POFUT3: variants seen among roughly 807,000 people sequenced by gnomAD.
POFUT3 encodes GDP-fucose protein O-fucosyltransferase 3.
the POFUT3 span, chr8:33,455,975 A>G: frequency 7.9e-6 from 3 of 381,876 alleles, no homozygotes; most frequent in Middle Eastern, 1.2e-3. Context: ...ATTGGCTTTA[A>G]AAAGTCATGG....
chr8:33,444,261 G>T, the POFUT3 span, among the ~76,000 whole-genome samples: 1 of 152,074 alleles, frequency 6.6e-6, no homozygotes, highest in African/African-American at 2.4e-5. Context: ...GATCTGACCG[G>T]TGTAAAGGAG....
chr8:33,366,904 G>A, the POFUT3 span, among the ~76,000 whole-genome samples: 6 of 152,070 alleles, frequency 3.9e-5, no homozygotes, highest in African/African-American at 1.4e-4. Flanking sequence ...ACTATGATGT[G>A]TAGCACAGGT....
At chr8:33,347,525 T>C in the POFUT3 span, among the ~76,000 whole-genome samples, 1 of 152,248 alleles carries the variant, frequency 6.6e-6, no homozygotes, top group Non-Finnish European at 1.5e-5. Flanking sequence ...TTCAGACATA[T>C]ATTCAAGTAC....
the POFUT3 span, among the ~76,000 whole-genome samples, chr8:33,402,089 T>C: frequency 6.6e-6 from 1 of 152,168 alleles, no homozygotes; most frequent in East Asian, 1.9e-4. Flanking sequence ...AGGTGCATTA[T>C]ATCCTAAGGC....
At chr8:33,422,865 G>A in the POFUT3 span, among the ~76,000 whole-genome samples, 1 of 151,996 alleles carries the variant, frequency 6.6e-6, no homozygotes, top group East Asian at 1.9e-4. Flanking sequence ...TGCCCAAGAT[G>A]GAGTGGCACG....
At chr8:33,351,690 C>T in the POFUT3 span, among the ~76,000 whole-genome samples, 15 of 152,028 alleles carry the variant, frequency 9.9e-5, no homozygotes, top group Non-Finnish European at 2.1e-4. Flanking sequence ...ACCCAGCCTC[C>T]GATATTTCTT....
chr8:33,462,755 C>A, the POFUT3 span, among the ~76,000 whole-genome samples: 18 of 152,044 alleles, frequency 1.2e-4, no homozygotes, highest in Admixed American at 1.3e-4. Flanking sequence ...CATAGTGAAA[C>A]CCTGTCTGCA....
chr8:33,468,326 G>C, the POFUT3 span, among the ~76,000 whole-genome samples: 1 of 152,076 alleles, frequency 6.6e-6, no homozygotes, highest in Non-Finnish European at 1.5e-5. Context: ...AGTTGCAGGA[G>C]AGGCAAGGCA....
At chr8:33,380,215 CTATA>C in the POFUT3 span, among the ~76,000 whole-genome samples, 1 of 35,592 alleles carries the variant, frequency 2.8e-5, no homozygotes, top group Non-Finnish European at 4.4e-5. Context: ...TATATATATA[CTATA>C]TATATATATA....
chr8:33,332,117 TGG>T, the POFUT3 span, among the ~76,000 whole-genome samples: 1 of 143,694 alleles, frequency 7.0e-6, no homozygotes, highest in Non-Finnish European at 1.5e-5. Flanking sequence ...CACTCCAGCC[TGG>T]GCAACAGAAA....
the POFUT3 span, among the ~76,000 whole-genome samples, chr8:33,435,741 C>T: frequency 1.3e-5 from 2 of 151,920 alleles, no homozygotes; most frequent in Non-Finnish European, 2.9e-5. Flanking sequence ...GTCTCGTACT[C>T]CTGACCTCAG....
the POFUT3 span, among the ~76,000 whole-genome samples, chr8:33,395,887 CCAAGTAAA>C: frequency 6.6e-6 from 1 of 152,072 alleles, no homozygotes; most frequent in Non-Finnish European, 1.5e-5. Flanking sequence ...AGCATGGAGG[CCAAGTAAA>C]CAAGTAAACA....
the POFUT3 span, among the ~76,000 whole-genome samples, chr8:33,380,721 C>T: frequency 2.0e-5 from 3 of 151,616 alleles, no homozygotes; most frequent in Admixed American, 6.6e-5. Flanking sequence ...GCTGTAGTCC[C>T]GGCTACTCAG....
At chr8:33,421,081 T>C in the POFUT3 span, among the ~76,000 whole-genome samples, 4 of 152,014 alleles carry the variant, frequency 2.6e-5, no homozygotes, top group Non-Finnish European at 5.9e-5. Flanking sequence ...GTTAATACTA[T>C]TTAATTTTTA....
the POFUT3 span, among the ~76,000 whole-genome samples, chr8:33,319,774 C>T: frequency 1.0e-5 from 1 of 96,162 alleles, no homozygotes; most frequent in Non-Finnish European, 1.9e-5. Context: ...TATATTTAGC[C>T]AAACATTATT....
the POFUT3 span, among the ~76,000 whole-genome samples, chr8:33,440,577 C>T: frequency 1.1e-4 from 17 of 152,136 alleles, no homozygotes; most frequent in Non-Finnish European, 2.2e-4. Flanking sequence ...CTGAGACACC[C>T]TCAAATTATC....
At chr8:33,315,556 G>T in the POFUT3 span, among the ~76,000 whole-genome samples, 2 of 152,054 alleles carry the variant, frequency 1.3e-5, no homozygotes, top group Non-Finnish European at 2.9e-5. Flanking sequence ...AGTGGGGGCC[G>T]TGTCCTGCCT....
chr8:33,380,006 A>ATATATATAGTATATATATAC, the POFUT3 span, among the ~76,000 whole-genome samples: 21 of 74,736 alleles, frequency 2.8e-4, 1 homozygote, highest in African/African-American at 1.2e-3. Context: ...TATATATACT[A>ATATATATAGTATATATATAC]TATATATAGT....
the POFUT3 span, chr8:33,436,635 G>T: frequency 1.1e-6 from 1 of 876,680 alleles, no homozygotes; most frequent in Admixed American, 1.7e-5. Flanking sequence ...CATACTGCTA[G>T]AAGAGTGAGC....
Sources: gnomAD v4.1 joint callset for allele counts (sites outside exome capture counted in the v4.1 genomes callset) on GRCh38, gnomAD v4.1.1 for gene constraint, MANE v1.5 for transcripts, NCBI Gene and HGNC (gene_info 2026-07-23, HGNC 2026-07-21) for gene names.